The following CA10 variants were observed in gnomAD, a reference collection of about 807,000 sequenced individuals.
CA10 encodes carbonic anhydrase-related protein 10.
A neutral mutation model predicts 44.2 loss-of-function variants in CA10; 14 were observed. The observed-to-expected ratio is 0.32, with a 90% CI of 0.21 to 0.50. The LOEUF (loss-of-function observed/expected upper bound fraction) is 0.50, where lower values mean the gene tolerates loss of function less well. Among genes scored for constraint, CA10 ranks in the 20% least tolerant of loss-of-function variants. The pLI is 0.99. For synonymous variants in CA10, 159 were observed against 141.6 expected, an observed-to-expected ratio of 1.12 and a Z score of -0.87; for missense variants, 350 against 409.7, an observed-to-expected ratio of 0.85 and a Z score of 1.26.
intron 3 of CA10, among the ~76,000 whole-genome samples, chr17:51,772,726 G>A (rs542707969): frequency 2.6e-5 from 4 of 152,050 alleles, no homozygotes; most frequent in African/African-American, 7.2e-5. Flanking sequence ...TGTCATAACT[G>A]TCATGTGAGA....
At chr17:52,052,862 G>A (rs1022575236) in intron 2 of CA10, among the ~76,000 whole-genome samples, 5 of 151,946 alleles carry the variant, frequency 3.3e-5, no homozygotes, top group Admixed American at 3.3e-4. Flanking sequence ...TATGGCATTT[G>A]CTCCCATATT....
At position 51,989,790 on chromosome 17, in the gene CA10, G is replaced by C. The variant is rs548019373; in HGVS notation, c.137-58658C>G. Among the ~76,000 whole-genome samples the C allele has an allele frequency of 7.9e-5, 12 of 152,184 alleles. No individual in the cohort carries two copies. The East Asian group carries it at 2.3e-3, about 29-fold the overall frequency. The stretch of plus-strand genomic sequence containing the variant: ...TGAGTAGCAAGACTAATTATATCCA[G>C]CCCAATCATTTTCTAGAAGCTCTTC... On this transcript the variant is annotated intron_variant, in intron 2 of 8. Coordinates refer to ENST00000451037, the MANE Select transcript of CA10 (RefSeq NM_020178.5).
intron 4 of CA10, among the ~76,000 whole-genome samples, chr17:51,712,101 A>G (rs1470123189): frequency 6.6e-6 from 1 of 152,248 alleles, no homozygotes; most frequent in African/African-American, 2.4e-5. Flanking sequence ...CCCAGGCTCC[A>G]GACACTATCT....
chr17:52,055,050 C>T (rs1987186457), intron 2 of CA10, among the ~76,000 whole-genome samples: 1 of 151,980 alleles, frequency 6.6e-6, no homozygotes, highest in Non-Finnish European at 1.5e-5. Flanking sequence ...CAAACATATA[C>T]ACTTAGATAT....
At chr17:52,051,998 A>G (rs1021040716) in intron 2 of CA10, among the ~76,000 whole-genome samples, 1 of 152,072 alleles carries the variant, frequency 6.6e-6, no homozygotes, top group Non-Finnish European at 1.5e-5. Flanking sequence ...TGGAGCTAGT[A>G]GCCATTATCC....
At chr17:51,633,335 T>C (rs1347603783) in intron 8 of CA10, 141 bp downstream of exon 8, 2 of 825,988 alleles carry the variant, frequency 2.4e-6, no homozygotes, top group South Asian at 2.3e-5. Flanking sequence ...TTCATCACCA[T>C]GCAAATGGAG....
intron 2 of CA10, among the ~76,000 whole-genome samples, chr17:52,012,400 T>C (rs1260608729): frequency 6.6e-6 from 1 of 152,026 alleles, no homozygotes; most frequent in Non-Finnish European, 1.5e-5. Flanking sequence ...CATGCATCTA[T>C]GAGGACTTGA....
intron 2 of CA10, among the ~76,000 whole-genome samples, chr17:51,932,035 C>T (rs1045149533): frequency 6.6e-6 from 1 of 152,108 alleles, no homozygotes; most frequent in South Asian, 2.1e-4. Flanking sequence ...GATTATATGG[C>T]CATTCATTCA....
At chr17:52,142,506 GTTAT>G (rs1173370765) in intron 1 of CA10, among the ~76,000 whole-genome samples, 1 of 151,976 alleles carries the variant, frequency 6.6e-6, no homozygotes, top group Non-Finnish European at 1.5e-5. Flanking sequence ...CACTGATGGG[GTTAT>G]TTTTTTTGAA....
chr17:51,662,599 A>T (rs1914048147), intron 4 of CA10, among the ~76,000 whole-genome samples: 1 of 152,208 alleles, frequency 6.6e-6, no homozygotes, highest in Admixed American at 6.5e-5. Flanking sequence ...GTCATTAACA[A>T]GTTTGTCTTC....
chr17:52,147,369 C>T (rs1397967808), intron 1 of CA10, among the ~76,000 whole-genome samples: 1 of 151,940 alleles, frequency 6.6e-6, no homozygotes, highest in Admixed American at 6.6e-5. Flanking sequence ...TTGGCCTAAA[C>T]AACCAAGGCA....
intron 4 of CA10, among the ~76,000 whole-genome samples, chr17:51,716,408 A>C (rs930761642): frequency 6.6e-6 from 1 of 152,100 alleles, no homozygotes; most frequent in African/African-American, 2.4e-5. Flanking sequence ...AAATAAAAGG[A>C]TGTCTAAAAT....
At chr17:51,904,964 T>C (rs1287240882) in intron 3 of CA10, among the ~76,000 whole-genome samples, 2 of 152,144 alleles carry the variant, frequency 1.3e-5, no homozygotes, top group Non-Finnish European at 2.9e-5. Flanking sequence ...CACAGAGACC[T>C]AGAAACATTA....
At chr17:52,043,861 G>A (rs1354256238) in intron 2 of CA10, among the ~76,000 whole-genome samples, 1 of 151,972 alleles carries the variant, frequency 6.6e-6, no homozygotes, top group Non-Finnish European at 1.5e-5. Context: ...CATGTTTACT[G>A]ACTTCTGTAT....
chr17:51,903,015 C>T (rs1981385909), intron 3 of CA10, among the ~76,000 whole-genome samples: 1 of 152,166 alleles, frequency 6.6e-6, no homozygotes, highest in Non-Finnish European at 1.5e-5. Context: ...CTTCTTGTTG[C>T]CATGCTTTGT....
At chr17:51,689,644 G>A (rs908077095) in intron 4 of CA10, among the ~76,000 whole-genome samples, 1 of 152,212 alleles carries the variant, frequency 6.6e-6, no homozygotes, top group African/African-American at 2.4e-5. Flanking sequence ...CTGATTGCCA[G>A]TGACAATTTC....
intron 2 of CA10, among the ~76,000 whole-genome samples, chr17:51,965,326 T>C (rs1434055827): frequency 6.6e-6 from 1 of 151,920 alleles, no homozygotes; most frequent in Non-Finnish European, 1.5e-5. Context: ...TCAATTTTAC[T>C]GAAACTATTT....
intron 1 of CA10, among the ~76,000 whole-genome samples, chr17:52,116,589 AGGATGCTT>A (rs1369050556): frequency 6.6e-6 from 1 of 152,148 alleles, no homozygotes; most frequent in African/African-American, 2.4e-5. Context: ...AGAAGGAAAA[AGGATGCTT>A]TTTCCTTCTC....
chr17:52,006,481 T>C (rs1484797944), intron 2 of CA10, among the ~76,000 whole-genome samples: 1 of 151,836 alleles, frequency 6.6e-6, no homozygotes, highest in African/African-American at 2.4e-5. Context: ...AAAAGGCAAA[T>C]GTAGTGGAAG....
Sources: gnomAD v4.1 joint callset for allele counts (sites outside exome capture counted in the v4.1 genomes callset) on GRCh38, gnomAD v4.1.1 for gene constraint, MANE v1.5 for transcripts, NCBI Gene and HGNC (gene_info 2026-07-23, HGNC 2026-07-21) for gene names.